Variants in ADAM21 observed in about 807,000 individuals in gnomAD.
The protein encoded by ADAM21 is ADAM metallopeptidase domain 21, also known as disintegrin and metalloproteinase domain-containing protein 21.
For synonymous variants in ADAM21, 262 were observed against 306.0 expected (o/e 0.86, Z 1.50); for missense variants, 678 against 874.4 (o/e 0.78, Z 2.83).
chr14:70,454,253 T>C (rs995628503), intron 1 of ADAM21, among the ~76,000 whole-genome samples: 11 of 152,164 alleles, frequency 7.2e-5, no homozygotes, highest in African/African-American at 2.7e-4. Context: ...GCCATTTCAG[T>C]TTTGATTTCT....
intron 1 of ADAM21, among the ~76,000 whole-genome samples, chr14:70,452,873 G>C (rs1450917347): frequency 6.6e-6 from 1 of 152,168 alleles, no homozygotes; most frequent in Non-Finnish European, 1.5e-5. Context: ...ATGCAGTTGA[G>C]AATAGGGAAA....
intron 1 of ADAM21, among the ~76,000 whole-genome samples, chr14:70,455,317 T>G (rs1041115659): frequency 2.0e-5 from 3 of 152,182 alleles, no homozygotes; most frequent in Non-Finnish European, 4.4e-5. Flanking sequence ...ATTTAAGTGC[T>G]TTTCCTTTTT....
In ADAM21 at chr14:70,458,307, A is replaced by G. The variant is rs767140439; in HGVS notation, c.808A>G (p.Thr270Ala). Residue 270 changes from threonine (T) to alanine (A), a missense_variant, in exon 2 of 2, where the codon ACA becomes GCA. Coordinates refer to ENST00000603540, the MANE Select transcript of ADAM21 (RefSeq NM_003813.4). ...GAATCAAGGAAATGTTTTCCCAATGACAAGCATAGAACAGGTCCTGAACGA... is the reference window on the plus strand; with the variant it reads ...GAATCAAGGAAATGTTTTCCCAATGGCAAGCATAGAACAGGTCCTGAACGA... Reference protein sequence around the residue: ...IWNQGNVFPMTSIEQVLNDFS... With the variant: ...IWNQGNVFPMASIEQVLNDFS... 5 of 1,614,000 alleles carry G rather than the reference A, an allele frequency of 3.1e-6. No individual in the cohort carries two copies. In the South Asian group the frequency reaches 3.3e-5, roughly 11 times the overall value.
rs1316361443 is a variant in ADAM21, at chr14:70,457,808, C to G, written c.309C>G (p.Leu103=). Residue 103 remains leucine, a synonymous_variant, in exon 2 of 2, where the codon CTC becomes CTG. Transcript: ENST00000603540. ...ACCGTGCACTCCTGGAGGATCAGCT[C>G]TTCATCCCAGATGACTGTTACTATC... ...TDDRALLEDQ[L]FIPDDCYYHG... 6.2e-7 allele frequency: 1 copy of G among 1,613,490 alleles called. No individual in the cohort carries two copies. The highest frequency in any genetic ancestry group is 2.2e-5 in the East Asian group (1 of 44,812).
At position 70,457,521 on chromosome 14, in the gene ADAM21, G is replaced by A. The variant is rs771180264; in HGVS notation, c.22G>A (p.Val8Met). The change falls in exon 2 of 2, where the codon GTG (valine) becomes ATG (methionine). Residue 8 changes from valine to methionine, a missense_variant. Coordinates refer to ENST00000603540, the MANE Select transcript of ADAM21 (RefSeq NM_003813.4). MAVDGTL[V>M]YIRVTLLLLW... ...CATAATGGCAGTGGATGGGACCCTC[G>A]TGTACATCAGAGTCACTCTTCTGCT... 1.9e-6 allele frequency: 3 copies of A among 1,588,684 alleles called. No individual in the cohort carries two copies. Among genetic ancestry groups the A allele is most frequent in the East Asian group, 2.2e-5 (1 of 44,698 alleles).
In ADAM21 at chr14:70,458,787, C is replaced by A; in HGVS notation, c.1288C>A (p.Gln430Lys). 6.2e-7 allele frequency: 1 copy of A among 1,614,162 alleles called. No homozygotes were observed. Among genetic ancestry groups the A allele is most frequent in the South Asian group, 1.1e-5 (1 of 91,080 alleles). Residue 430 changes from glutamine (Q) to lysine (K), a missense_variant, in exon 2 of 2, where the codon CAA becomes AAA. Physicochemically the swap from Gln to Lys is moderately conservative, Grantham distance 53. Coordinates refer to ENST00000603540, the MANE Select transcript of ADAM21 (RefSeq NM_003813.4). Reference sequence around the variant, plus strand: ...CTGTGGATCCGTACAGCAGTGTGAACAAGACGCCTGTTGTCTGTTGAACTG... The same window carrying A: ...CTGTGGATCCGTACAGCAGTGTGAAAAAGACGCCTGTTGTCTGTTGAACTG... ...CDCGSVQQCE[Q>K]DACCLLNCTL...
At position 70,458,701 on chromosome 14, in the gene ADAM21, G is replaced by A; in HGVS notation, c.1202G>A (p.Gly401Glu). 7 of 1,614,064 alleles carry A rather than the reference G, an allele frequency of 4.3e-6. No individual in the cohort carries two copies. The highest frequency in any genetic ancestry group is 5.9e-6 in the Non-Finnish European group (7 of 1,180,022). The change falls in exon 2 of 2, where the codon GGG (glycine) becomes GAG (glutamate). Residue 401 changes from glycine to glutamate, a missense_variant. Coordinates refer to ENST00000603540, the MANE Select transcript of ADAM21 (RefSeq NM_003813.4). ...GSCLHNPPRL[G>E]EIFMLKRCGN... ...TGTCTGCATAATCCTCCAAGATTGGGGGAAATCTTTATGCTAAAGCGCTGT... is the reference window on the plus strand; with the variant it reads ...TGTCTGCATAATCCTCCAAGATTGGAGGAAATCTTTATGCTAAAGCGCTGT...
intron 1 of ADAM21, among the ~76,000 whole-genome samples, chr14:70,452,549 G>A (rs1412791699): frequency 6.6e-6 from 1 of 152,134 alleles, no homozygotes; most frequent in Non-Finnish European, 1.5e-5. Context: ...TGTATTTTTA[G>A]TAGAAACGGG....
At position 70,457,721 on chromosome 14, in the gene ADAM21, T is replaced by C; in HGVS notation, c.222T>C (p.Val74=). The C allele has an allele frequency of 6.2e-7, 1 of 1,613,786 alleles. No homozygotes were observed. The change falls in exon 2 of 2, where the codon GTT becomes GTC. Residue 74 remains valine, a synonymous_variant. Transcript: ENST00000603540. The part of the protein sequence containing the change: ...SLRFGGQKHV[V]HMRVKKLLVS... Reference sequence around the variant, plus strand: ...GGTTTGGGGGCCAGAAACACGTTGTTCATATGAGGGTCAAGAAGCTCTTAG... The same window carrying C: ...GGTTTGGGGGCCAGAAACACGTTGTCCATATGAGGGTCAAGAAGCTCTTAG...
At position 70,454,100 on chromosome 14, in the gene ADAM21, C is replaced by T. The variant is rs570704914; in HGVS notation, c.-152+1837C>T. Among the ~76,000 whole-genome samples, 5 of 152,298 alleles carry T rather than the reference C, an allele frequency of 3.3e-5. No homozygotes were observed. In the South Asian group the frequency reaches 8.3e-4, roughly 25 times the overall value. ...TGGATTTTCAGCTGCTGGCACTATA[C>T]ATAAATGAGGAAAACTCAGAAGATT... On this transcript the variant is annotated intron_variant, in intron 1 of 1. Transcript: ENST00000603540.
rs1420387658 is a variant in ADAM21, at chr14:70,458,707, T to C, written c.1208T>C (p.Ile403Thr). Residue 403 changes from isoleucine (I) to threonine (T), a missense_variant, in exon 2 of 2, where the codon ATC becomes ACC. Physicochemically the swap from Ile to Thr is moderately conservative, Grantham distance 89. Coordinates refer to ENST00000603540, the MANE Select transcript of ADAM21 (RefSeq NM_003813.4). ...CLHNPPRLGE[I>T]FMLKRCGNGV... is the part of the protein sequence containing the mutation. ...CATAATCCTCCAAGATTGGGGGAAA[T>C]CTTTATGCTAAAGCGCTGTGGGAAT... 6.2e-7 allele frequency: 1 copy of C among 1,613,904 alleles called. No homozygotes were observed. The highest frequency in any genetic ancestry group is 8.5e-7 in the Non-Finnish European group (1 of 1,180,008).
Position 70,458,177 on chromosome 14 carries a change from C to G in ADAM21, c.678C>G (p.Ser226Arg). Residue 226 changes from serine to arginine, a missense_variant, in exon 2 of 2, where the codon AGC becomes AGG. Coordinates refer to ENST00000603540, the MANE Select transcript of ADAM21 (RefSeq NM_003813.4). Reference sequence around the variant, plus strand: ...ATGATTTCTTCATTTACTCTCAAAGCAACATCTCAAAGGTGCAAGAGGATG... The same window carrying G: ...ATGATTTCTTCATTTACTCTCAAAGGAACATCTCAAAGGTGCAAGAGGATG... ...VNHDFFIYSQSNISKVQEDVF... is the reference protein window; with the variant it reads ...VNHDFFIYSQRNISKVQEDVF... The G allele has an allele frequency of 6.2e-7, 1 of 1,613,818 alleles. No individual in the cohort carries two copies. The highest frequency in any genetic ancestry group is 1.1e-5 in the South Asian group (1 of 91,060).
chr14:70,453,851 A>T (rs1334874502), intron 1 of ADAM21, among the ~76,000 whole-genome samples: 3 of 152,246 alleles, frequency 2.0e-5, no homozygotes, highest in Non-Finnish European at 2.9e-5. Context: ...ACCTTGTGGA[A>T]TAAGGTGCCT....
At chr14:70,452,828 CCAGTAAG>C (rs1352043522) in intron 1 of ADAM21, among the ~76,000 whole-genome samples, 1 of 151,890 alleles carries the variant, frequency 6.6e-6, no homozygotes, top group Non-Finnish European at 1.5e-5. Context: ...ACCTCAATTG[CCAGTAAG>C]GAATAGATAA....
Position 70,452,244 on chromosome 14 carries a change from A to G in ADAM21, c.-171A>G, listed in dbSNP as rs1466463157. ...CCATCTAGACAGAAATGGCCATGGA[A>G]ACTACTGTTTCTTCTGATGGTAAGT... On this transcript the variant is annotated 5_prime_UTR_variant, in exon 1 of 2. Transcript: ENST00000603540. 1.3e-5 allele frequency: 2 copies of G among 152,238 alleles called. No homozygotes were observed. Among genetic ancestry groups the G allele is most frequent in the African/African-American group, 4.8e-5 (2 of 41,462 alleles). The allele number at this position is 152,238 out of a possible 1,614,324, so 9.4% of individuals were successfully genotyped here.
rs148407228 is a variant in ADAM21 at position 70,457,168 on chromosome 14, A to G, written c.-151-181A>G. Among the ~76,000 whole-genome samples, 100 of 152,210 alleles carry G rather than the reference A, an allele frequency of 6.6e-4. 1 individual carries two copies. The highest frequency in any genetic ancestry group is 2.3e-3 in the African/African-American group (97 of 41,514). Reference sequence around the variant, plus strand: ...AAGTACCCATCTTCCAACTTCAACTATTATCACCACGTGGCCAATGTTGTC... The same window carrying G: ...AAGTACCCATCTTCCAACTTCAACTGTTATCACCACGTGGCCAATGTTGTC... On this transcript the variant is annotated intron_variant, in intron 1 of 1. Coordinates refer to ENST00000603540, the MANE Select transcript of ADAM21 (RefSeq NM_003813.4).
Position 70,458,376 on chromosome 14 carries a change from G to T in ADAM21, c.877G>T (p.Asp293Tyr), listed in dbSNP as rs761286330. The T allele has an allele frequency of 1.4e-5, 22 of 1,614,204 alleles. No homozygotes were observed. In the South Asian group the frequency reaches 2.3e-4, roughly 17 times the overall value. ...AATCAGTCTTTCCCAGCTACAGCAT[G>T]ATGCTGCACATATGTTCATAAAAAA... Reference protein sequence around the residue: ...KQISLSQLQHDAAHMFIKNSL... With the variant: ...KQISLSQLQHYAAHMFIKNSL... The change falls in exon 2 of 2, where the codon GAT becomes TAT. Residue 293 changes from aspartate to tyrosine, a missense_variant. Transcript: ENST00000603540.
chr14:70,456,150 A>G (rs1231385751), intron 1 of ADAM21, among the ~76,000 whole-genome samples: 1 of 152,202 alleles, frequency 6.6e-6, no homozygotes, highest in East Asian at 1.9e-4. Context: ...CAGCAAAAAA[A>G]GTCATGAAAT....
At position 70,454,684 on chromosome 14, in the gene ADAM21, G is replaced by A. The variant is rs566853402; in HGVS notation, c.-152+2421G>A. On this transcript the variant is annotated intron_variant, in intron 1 of 1. Transcript: ENST00000603540. ...GTATACATTATGACTATGAGTGGGT[G>A]GGCTGAATTACACTGAAGATGAATT... Among the ~76,000 whole-genome samples the A allele has an allele frequency of 1.8e-4, 27 of 152,130 alleles. No homozygotes were observed. In the South Asian group the frequency reaches 4.6e-3, roughly 26 times the overall value.
Sources: allele counts gnomAD v4.1 joint callset (sites outside exome capture counted in the v4.1 genomes callset), GRCh38; gene constraint gnomAD v4.1.1; transcripts MANE v1.5; gene names NCBI Gene and HGNC (gene_info 2026-07-23, HGNC 2026-07-21).